Variants in PDE4D observed in about 807,000 individuals in gnomAD.
PDE4D encodes the protein phosphodiesterase 4D.
In PDE4D, 24 loss-of-function variants were observed where a neutral mutation model predicts 87.4. The observed-to-expected ratio is 0.27, with a 90% CI of 0.20 to 0.39. The LOEUF (loss-of-function observed/expected upper bound fraction) is 0.39. Ranked by LOEUF, PDE4D falls within the 10% of genes least tolerant of loss-of-function variation. The pLI, the probability that PDE4D is intolerant of heterozygous loss-of-function variation, is 1.00. For missense variants in PDE4D, 714 were observed against 1,041.0 expected (o/e 0.69, Z 4.32); for synonymous variants, 384 against 383.2 (o/e 1.00, Z -0.02).
At chr5:60,370,358 T>C (rs1015738927) in intron 1 of PDE4D, among the ~76,000 whole-genome samples, 1 of 152,168 alleles carries the variant, frequency 6.6e-6, no homozygotes, top group African/African-American at 2.4e-5. Flanking sequence ...TTATAATTCA[T>C]TAGAGGTGTT....
At chr5:59,842,043 T>C (rs6888341) in intron 1 of PDE4D, among the ~76,000 whole-genome samples, 14,156 of 152,006 alleles carry the variant, frequency 0.093, 2,044 homozygotes, top group African/African-American at 0.31. Flanking sequence ...TAGGAAGTTA[T>C]TGAAGGTTCA....
chr5:59,479,940 G>A (rs1803959252), intron 1 of PDE4D, among the ~76,000 whole-genome samples: 1 of 152,036 alleles, frequency 6.6e-6, no homozygotes, highest in Non-Finnish European at 1.5e-5. Context: ...AGACTACAGT[G>A]GGGAGAGTAT....
At chr5:59,556,338 G>A (rs373568786) in intron 1 of PDE4D, among the ~76,000 whole-genome samples, 5 of 152,178 alleles carry the variant, frequency 3.3e-5, no homozygotes, top group African/African-American at 9.6e-5. Flanking sequence ...CACACTAGAT[G>A]TCTGCTGTGC....
intron 6 of PDE4D, chr5:59,002,048 C>T: frequency 1.9e-6 from 1 of 516,752 alleles, no homozygotes; most frequent in South Asian, 1.4e-5. Context: ...CTGTTTCTTT[C>T]AGTTTATTCC....
At chr5:60,154,999 T>C (rs116343252) in intron 2 of PDE4D, among the ~76,000 whole-genome samples, 1,639 of 152,336 alleles carry the variant, frequency 0.011, 34 homozygotes, top group East Asian at 0.047. Context: ...GTTCTTTCTT[T>C]GATGGGCATT....
intron 1 of PDE4D, among the ~76,000 whole-genome samples, chr5:60,324,388 C>T (rs1370321533): frequency 6.6e-6 from 1 of 152,166 alleles, no homozygotes; most frequent in Non-Finnish European, 1.5e-5. Context: ...CCATAGGACC[C>T]AGCACAGTGC....
intron 1 of PDE4D, among the ~76,000 whole-genome samples, chr5:59,827,116 C>T (rs1381290081): frequency 6.6e-6 from 1 of 151,816 alleles, no homozygotes; most frequent in Non-Finnish European, 1.5e-5. Flanking sequence ...ATTTTGATTG[C>T]CTCTATAGTC....
At chr5:59,200,124 T>C (rs1451484898) in intron 2 of PDE4D, among the ~76,000 whole-genome samples, 1 of 150,954 alleles carries the variant, frequency 6.6e-6, no homozygotes, top group East Asian at 2.0e-4. Flanking sequence ...CATACATGCA[T>C]GTAGACATAC....
intron 6 of PDE4D, among the ~76,000 whole-genome samples, chr5:58,997,764 G>A (rs927122697): frequency 6.6e-6 from 1 of 151,978 alleles, no homozygotes; most frequent in Admixed American, 6.6e-5. Context: ...AAGGCATAAA[G>A]GAAAGTAAAA....
At chr5:59,771,483 A>AAGAAAGAG (rs1379469312) in intron 1 of PDE4D, among the ~76,000 whole-genome samples, 1 of 54,400 alleles carries the variant, frequency 1.8e-5, no homozygotes, top group African/African-American at 6.6e-5. Context: ...GAAAGAAAGA[A>AAGAAAGAG]AGAGAGAGAG....
chr5:59,486,561 AACTATCACAAT>A (rs1393393721), intron 1 of PDE4D, among the ~76,000 whole-genome samples: 1 of 152,182 alleles, frequency 6.6e-6, no homozygotes, highest in Non-Finnish European at 1.5e-5. Flanking sequence ...TATTTCAGTT[AACTATCACAAT>A]ACATTTATTA....
chr5:59,941,364 A>G (rs1757161921), intron 3 of PDE4D, among the ~76,000 whole-genome samples: 1 of 152,190 alleles, frequency 6.6e-6, no homozygotes, highest in Non-Finnish European at 1.5e-5. Flanking sequence ...ACACACTAAT[A>G]CAATCGAATT....
intron 1 of PDE4D, among the ~76,000 whole-genome samples, chr5:59,222,809 T>C (rs533643978): frequency 6.6e-6 from 1 of 152,354 alleles, no homozygotes; most frequent in South Asian, 2.1e-4. Context: ...AGGCTTTCAC[T>C]GCTGATAAAG....
chr5:60,052,200 A>G (rs371801756), intron 2 of PDE4D, among the ~76,000 whole-genome samples: 1 of 151,606 alleles, frequency 6.6e-6, no homozygotes, highest in Non-Finnish European at 1.5e-5. Flanking sequence ...TGAAGCCAGT[A>G]TCATCCTGAA....
At chr5:58,984,536 G>A (rs1053927730) in intron 11 of PDE4D, among the ~76,000 whole-genome samples, 2 of 152,110 alleles carry the variant, frequency 1.3e-5, no homozygotes, top group Non-Finnish European at 2.9e-5. Flanking sequence ...GAAGGTGTGG[G>A]TTTATACAGA....
chr5:60,389,886 T>G (rs2150024313), intron 1 of PDE4D, among the ~76,000 whole-genome samples: 1 of 152,330 alleles, frequency 6.6e-6, no homozygotes, highest in South Asian at 2.1e-4. Context: ...ACCCCATTTC[T>G]TGATGGAAGG....
intron 5 of PDE4D, among the ~76,000 whole-genome samples, chr5:59,177,815 T>A (rs918151071): frequency 6.6e-6 from 1 of 152,182 alleles, no homozygotes; most frequent in African/African-American, 2.4e-5. Context: ...AGGCATACAT[T>A]TGCGAACCTG....
At chr5:59,551,509 G>A (rs1156243394) in intron 1 of PDE4D, among the ~76,000 whole-genome samples, 1 of 150,408 alleles carries the variant, frequency 6.6e-6, no homozygotes, top group Non-Finnish European at 1.5e-5. Flanking sequence ...ACATAAATGA[G>A]TCTTATTTGA....
At chr5:59,021,287 T>C (rs781210700) in intron 6 of PDE4D, among the ~76,000 whole-genome samples, 2 of 152,112 alleles carry the variant, frequency 1.3e-5, no homozygotes, top group African/African-American at 4.8e-5. Context: ...AAATAGGCTA[T>C]CATAGAGTGC....
Sources: allele counts gnomAD v4.1 joint callset (sites outside exome capture counted in the v4.1 genomes callset), GRCh38; gene constraint gnomAD v4.1.1; transcripts MANE v1.5; gene names NCBI Gene and HGNC (gene_info 2026-07-23, HGNC 2026-07-21).